The following AIMP1 variants were observed in gnomAD, a reference collection of about 807,000 sequenced individuals.
The protein encoded by AIMP1 is aminoacyl tRNA synthase complex-interacting multifunctional protein 1.
Under a neutral mutation model 33.1 loss-of-function variants are expected in AIMP1, and 24 were observed. That is an observed-to-expected ratio of 0.73 (90% confidence interval 0.53 to 1.02). The LOEUF is 1.02. AIMP1 is among the 50% of genes least tolerant of loss of function. The pLI, the probability that AIMP1 is intolerant of heterozygous loss-of-function variation, is 0.00. For synonymous variants in AIMP1, 120 were observed against 121.5 expected, an observed-to-expected ratio of 0.99 and a Z score of 0.08; for missense variants, 367 against 364.8, an observed-to-expected ratio of 1.01 and a Z score of -0.05.
At chr4:106,325,611 G>T (rs573924234) in intron 2 of AIMP1, among the ~76,000 whole-genome samples, 2 of 151,848 alleles carry the variant, frequency 1.3e-5, no homozygotes, top group African/African-American at 2.4e-5. Context: ...ACCAAATTTT[G>T]TCTTCTGTAG....
At chr4:106,316,622 C>G (rs1280043783) in intron 1 of AIMP1, 28 bp downstream of exon 1, 1 of 1,549,774 alleles carries the variant, frequency 6.5e-7, no homozygotes, top group Admixed American at 2.0e-5. Context: ...GGGTCACTCA[C>G]TCGGGGATCG....
chr4:106,326,323 A>G (rs1049322798), intron 2 of AIMP1, among the ~76,000 whole-genome samples: 5 of 152,150 alleles, frequency 3.3e-5, no homozygotes, highest in African/African-American at 1.2e-4. Flanking sequence ...GGCCACTATA[A>G]AGTTCTGCAG....
chr4:106,316,614 GTCAC>G lies in AIMP1; in HGVS notation c.-26+27_-26+30del. On this transcript the variant is annotated intron_variant, in intron 1 of 6. Transcript: ENST00000672341. ...CTTCATGTGAGTGACGTCGTGGCGG[GTCAC>G]TCACTCGGGGATCGCCGATTGCGAT... 1.3e-6 allele frequency: 2 copies of G among 1,550,698 alleles called. No individual in the cohort carries two copies. The highest frequency in any genetic ancestry group is 1.7e-6 in the Non-Finnish European group (2 of 1,146,602).
intron 6 of AIMP1, among the ~76,000 whole-genome samples, chr4:106,346,100 C>T (rs1770285947): frequency 6.6e-6 from 1 of 151,694 alleles, no homozygotes; most frequent in African/African-American, 2.4e-5. Context: ...AGATATGTTA[C>T]TTTTCTTCAT....
chr4:106,328,854 C>T (rs778346396), intron 4 of AIMP1, among the ~76,000 whole-genome samples: 2 of 152,188 alleles, frequency 1.3e-5, no homozygotes, highest in Non-Finnish European at 2.9e-5. Context: ...GGTCCTACCT[C>T]AGTTCAGGTT....
rs558924360 is a variant in AIMP1, at chr4:106,317,363, G to A, written c.-26+769G>A. 1.1e-4 allele frequency among the ~76,000 whole-genome samples: 16 copies of A among 152,296 alleles called. No homozygotes were observed. In the East Asian group the frequency reaches 3.1e-3, roughly 29 times the overall value. On this transcript the variant is annotated intron_variant, in intron 1 of 6. Transcript: ENST00000672341. ...CTGGAGATTAAATCAAGGCGAGCAG[G>A]TCATGAAGATCTTGAGGACATCTAA...
At chr4:106,346,570 A>C (rs140338840) in intron 6 of AIMP1, among the ~76,000 whole-genome samples, 491 of 152,246 alleles carry the variant, frequency 3.2e-3, no homozygotes, top group Non-Finnish European at 5.9e-3. Context: ...GTTTCTTTAC[A>C]TCTCACCGAG....
intron 1 of AIMP1, among the ~76,000 whole-genome samples, chr4:106,323,605 TA>T (rs55681102): frequency 0.19 from 25,071 of 135,280 alleles, 2,065 homozygotes; most frequent in South Asian, 0.27. Flanking sequence ...AAAGTTAAAG[TA>T]AAAAAAAAAA....
intron 3 of AIMP1, 26 bp from the exon 4 acceptor site, chr4:106,328,050 T>G: frequency 6.2e-7 from 1 of 1,608,210 alleles, no homozygotes; most frequent in Non-Finnish European, 8.5e-7. Context: ...TTAATATGAA[T>G]GACATTATTT....
intron 6 of AIMP1, among the ~76,000 whole-genome samples, chr4:106,346,690 T>C (rs1770313339): frequency 6.6e-6 from 1 of 152,190 alleles, no homozygotes; most frequent in African/African-American, 2.4e-5. Flanking sequence ...ACTAGAGCAG[T>C]GATCTAGCTG....
chr4:106,340,690 T>C (rs1428270198), intron 6 of AIMP1, among the ~76,000 whole-genome samples: 3 of 152,336 alleles, frequency 2.0e-5, no homozygotes, highest in Middle Eastern at 3.4e-3. Context: ...CAATCCACTG[T>C]TGATGGACAC....
At chr4:106,320,127 C>CT (rs1331507071) in intron 1 of AIMP1, among the ~76,000 whole-genome samples, 3 of 151,682 alleles carry the variant, frequency 2.0e-5, no homozygotes, top group Non-Finnish European at 4.4e-5. Flanking sequence ...ATTAGAAACT[C>CT]TGAGGATTTA....
intron 1 of AIMP1, among the ~76,000 whole-genome samples, chr4:106,320,772 C>T (rs979811061): frequency 6.6e-5 from 10 of 152,260 alleles, no homozygotes; most frequent in South Asian, 4.1e-4. Context: ...CTCTCCCTCT[C>T]CGCACCGTCT....
At chr4:106,345,996 G>T (rs1242168954) in intron 6 of AIMP1, among the ~76,000 whole-genome samples, 1 of 150,796 alleles carries the variant, frequency 6.6e-6, no homozygotes, top group African/African-American at 2.4e-5. Flanking sequence ...AGATCTAGAA[G>T]GTTTATATTT....
chr4:106,332,522 C>T (rs1769719868), intron 5 of AIMP1, among the ~76,000 whole-genome samples: 1 of 150,946 alleles, frequency 6.6e-6, no homozygotes, highest in Non-Finnish European at 1.5e-5. Context: ...TTATTTCTTA[C>T]TATATACAAC....
chr4:106,325,086 AG>A lies in AIMP1; in HGVS notation c.78del (p.Lys26AsnfsTer17). On this transcript the variant is annotated frameshift_variant, in exon 2 of 7. Transcript: ENST00000672341. LOFTEE classifies it high-confidence loss of function. ...AEADQIIEYL[K>X]QQVSLLKEKA... ...GCAGATCAAATCATTGAATATCTTA[AG>A]CAGCAAGTTTCTCTACTTAAGGAGA... is the stretch of plus-strand genomic sequence containing the variant. 1 of 1,612,994 alleles carries A rather than the reference AG, an allele frequency of 6.2e-7. No individual in the cohort carries two copies. Among genetic ancestry groups the A allele is most frequent in the Non-Finnish European group, 8.5e-7 (1 of 1,179,290 alleles).
intron 6 of AIMP1, 61 bp from the exon 7 acceptor site, chr4:106,347,465 C>T: frequency 6.8e-7 from 1 of 1,467,532 alleles, no homozygotes; most frequent in Non-Finnish European, 9.2e-7. Flanking sequence ...TGTGAATAGT[C>T]TCTTTAATAT....
At chr4:106,327,236 T>C (rs1306843542) in intron 2 of AIMP1, among the ~76,000 whole-genome samples, 3 of 149,608 alleles carry the variant, frequency 2.0e-5, no homozygotes, top group Non-Finnish European at 4.5e-5. Flanking sequence ...TGTTTTACTC[T>C]TATTTCATAT....
intron 6 of AIMP1, among the ~76,000 whole-genome samples, chr4:106,341,993 G>A (rs914029492): frequency 2.1e-4 from 32 of 152,138 alleles, no homozygotes; most frequent in African/African-American, 6.5e-4. Context: ...AGTTCTCCTT[G>A]TAGAGATCTT....
Sources: allele counts gnomAD v4.1 joint callset (sites outside exome capture counted in the v4.1 genomes callset), GRCh38; gene constraint gnomAD v4.1.1; transcripts MANE v1.5; gene names NCBI Gene and HGNC (gene_info 2026-07-23, HGNC 2026-07-21).